The following CNTN5 variants were observed in gnomAD, a reference collection of about 807,000 sequenced individuals.
The protein encoded by CNTN5 is contactin-5.
A neutral mutation model predicts 129.1 loss-of-function variants in CNTN5; 77 were observed. That is an observed-to-expected ratio of 0.60 (90% CI 0.50 to 0.72). The LOEUF is 0.72. CNTN5 is among the 30% of genes least tolerant of loss of function. The pLI is 0.00. For synonymous variants in CNTN5, 509 were observed against 465.6 expected (o/e 1.09, Z -1.20); for missense variants, 1,478 against 1,328.8 (o/e 1.11, Z -1.75).
At chr11:99,450,912 T>C (rs1944279367) in intron 2 of CNTN5, among the ~76,000 whole-genome samples, 1 of 151,974 alleles carries the variant, frequency 6.6e-6, no homozygotes, top group South Asian at 2.1e-4. Context: ...AGATTGACTA[T>C]ATCTAAATAA....
At chr11:99,197,546 C>G (rs1858965017) in intron 1 of CNTN5, among the ~76,000 whole-genome samples, 1 of 152,056 alleles carries the variant, frequency 6.6e-6, no homozygotes, top group Admixed American at 6.6e-5. Context: ...TATTTTCCCA[C>G]TCCTTTTCTT....
intron 1 of CNTN5, among the ~76,000 whole-genome samples, chr11:99,042,488 G>GC (rs1379411052): frequency 6.9e-6 from 1 of 145,826 alleles, no homozygotes; most frequent in African/African-American, 2.5e-5. Context: ...CCATTCTCCT[G>GC]CCTCAGCCTC....
rs758010098 is a variant in CNTN5, at chr11:99,585,174, A to G, written c.55+28905A>G. Among the ~76,000 whole-genome samples, 6 of 152,246 alleles carry G rather than the reference A, an allele frequency of 3.9e-5. No homozygotes were observed. In the South Asian group the frequency reaches 8.3e-4, roughly 21 times the overall value. On this transcript the variant is annotated intron_variant, in intron 3 of 24. Coordinates refer to ENST00000524871, the MANE Select transcript of CNTN5 (RefSeq NM_014361.4). ...GATGAAAGGATTTTAATTTTACAGT[A>G]TGAAAAGTTCACTCAGGTGATTTCA...
intron 2 of CNTN5, among the ~76,000 whole-genome samples, chr11:99,376,914 G>T (rs552201531): frequency 1.3e-5 from 2 of 152,188 alleles, no homozygotes; most frequent in African/African-American, 4.8e-5. Context: ...AACAGAATTC[G>T]ATTTATTAAC....
At chr11:99,945,112 C>G (rs986764818) in intron 7 of CNTN5, among the ~76,000 whole-genome samples, 1 of 151,964 alleles carries the variant, frequency 6.6e-6, no homozygotes, top group Non-Finnish European at 1.5e-5. Context: ...TGACAGCAAA[C>G]CAGACTATCA....
chr11:99,842,679 C>T (rs902268821), intron 4 of CNTN5, among the ~76,000 whole-genome samples: 2 of 151,956 alleles, frequency 1.3e-5, no homozygotes, highest in Non-Finnish European at 2.9e-5. Context: ...TTTCCCACAG[C>T]GTAATTCTGC....
intron 3 of CNTN5, among the ~76,000 whole-genome samples, chr11:99,809,618 A>T (rs559158552): frequency 6.6e-6 from 1 of 152,072 alleles, no homozygotes; most frequent in Admixed American, 6.6e-5. Flanking sequence ...TACAGATTCT[A>T]TGTTCTACAC....
intron 6 of CNTN5, among the ~76,000 whole-genome samples, chr11:99,907,563 T>C (rs1289821760): frequency 6.6e-6 from 1 of 151,788 alleles, no homozygotes; most frequent in Non-Finnish European, 1.5e-5. Context: ...TGTATACATA[T>C]ATTATTAAAA....
At chr11:100,071,974 T>A in intron 12 of CNTN5, 140 bp downstream of exon 12, 1 of 777,180 alleles carries the variant, frequency 1.3e-6, no homozygotes, top group South Asian at 2.2e-5. Context: ...GTCTTGCTGA[T>A]TTTTTTTAAC....
At chr11:99,782,048 C>T (rs1056854188) in intron 3 of CNTN5, among the ~76,000 whole-genome samples, 2 of 150,992 alleles carry the variant, frequency 1.3e-5, no homozygotes, top group African/African-American at 4.9e-5. Context: ...TCCCTGTTTG[C>T]AGACGACATG....
chr11:99,674,873 C>G (rs1420022000), intron 3 of CNTN5, among the ~76,000 whole-genome samples: 1 of 152,224 alleles, frequency 6.6e-6, no homozygotes, highest in African/African-American at 2.4e-5. Context: ...TATAAACTTC[C>G]CCTTTTTGCC....
intron 16 of CNTN5, among the ~76,000 whole-genome samples, chr11:100,228,404 T>C (rs777956963): frequency 6.6e-6 from 1 of 152,192 alleles, no homozygotes; most frequent in Non-Finnish European, 1.5e-5. Context: ...CCATCCACCT[T>C]GAACCCCACC....
intron 1 of CNTN5, among the ~76,000 whole-genome samples, chr11:99,271,057 G>C (rs1451050887): frequency 1.3e-5 from 2 of 151,908 alleles, no homozygotes; most frequent in Non-Finnish European, 2.9e-5. Context: ...ATATTTGCTA[G>C]ATAAATGAAT....
intron 3 of CNTN5, among the ~76,000 whole-genome samples, chr11:99,765,147 C>T (rs1361599321): frequency 6.6e-6 from 1 of 151,500 alleles, no homozygotes; most frequent in Non-Finnish European, 1.5e-5. Context: ...ACTTTTTGAC[C>T]CAAGAAACTG....
At chr11:100,137,775 A>G (rs1946572940) in intron 13 of CNTN5, among the ~76,000 whole-genome samples, 1 of 152,166 alleles carries the variant, frequency 6.6e-6, no homozygotes, top group Admixed American at 6.6e-5. Context: ...TAATTGAAAT[A>G]CATTATAAAA....
At chr11:99,391,056 A>G (rs1941233917) in intron 2 of CNTN5, among the ~76,000 whole-genome samples, 2 of 152,104 alleles carry the variant, frequency 1.3e-5, no homozygotes, top group Admixed American at 1.3e-4. Flanking sequence ...AACCAAAGTA[A>G]ATAACACCTT....
At chr11:100,350,949 G>A in intron 24 of CNTN5, 79 bp downstream of exon 24, 2 of 1,094,006 alleles carry the variant, frequency 1.8e-6, no homozygotes, top group Non-Finnish European at 2.6e-6. Flanking sequence ...AAATTGATGT[G>A]ATAGATTTCA....
rs1344936982 is a variant in CNTN5 at position 99,335,761 on chromosome 11, C to T, written c.-71+10277C>T. On this transcript the variant is annotated intron_variant, in intron 2 of 24. Transcript: ENST00000524871. ...TTTAGGGCTGTTAACACTCAGATTCCTTTCAAGCTGCCCTGTACTTGGTTG... is the reference window on the plus strand; with the variant it reads ...TTTAGGGCTGTTAACACTCAGATTCTTTTCAAGCTGCCCTGTACTTGGTTG... Among the ~76,000 whole-genome samples the T allele has an allele frequency of 2.6e-5, 4 of 152,070 alleles. 1 individual carries two copies. The South Asian group carries it at 6.2e-4, about 24-fold the overall frequency.
chr11:99,232,289 A>G (rs1861044241), intron 1 of CNTN5, among the ~76,000 whole-genome samples: 1 of 152,158 alleles, frequency 6.6e-6, no homozygotes, highest in South Asian at 2.1e-4. Flanking sequence ...TGAGTGTGGA[A>G]TGTTTTTTCA....
Sources: gnomAD v4.1 joint callset for allele counts (sites outside exome capture counted in the v4.1 genomes callset) on GRCh38, gnomAD v4.1.1 for gene constraint, MANE v1.5 for transcripts, NCBI Gene and HGNC (gene_info 2026-07-23, HGNC 2026-07-21) for gene names.